The following ADAM12 variants were observed in gnomAD, a reference collection of about 807,000 sequenced individuals.
ADAM12 encodes the protein ADAM metallopeptidase domain 12.
Under a neutral mutation model 106.4 loss-of-function variants are expected in ADAM12, and 70 were observed. The ratio of observed to expected loss-of-function variants is 0.66; its 90% CI spans 0.54 to 0.80. The LOEUF is 0.80. Ranked by LOEUF, ADAM12 falls within the 30% of genes least tolerant of loss-of-function variation. The probability of loss-of-function intolerance (pLI) is 0.00; values close to 1 mark genes in which losing one functional copy is unlikely to be tolerated. For synonymous variants in ADAM12, 420 were observed against 433.5 expected (o/e 0.97, Z 0.39); for missense variants, 1,010 against 1,171.9 (o/e 0.86, Z 2.02).
intron 10 of ADAM12, among the ~76,000 whole-genome samples, chr10:126,095,009 T>C (rs995774385): frequency 1.3e-5 from 2 of 152,212 alleles, no homozygotes; most frequent in African/African-American, 4.8e-5. Context: ...TTAGCATATA[T>C]GATCTACAGA....
At chr10:126,169,085 C>G (rs1328797597) in intron 3 of ADAM12, among the ~76,000 whole-genome samples, 2 of 152,068 alleles carry the variant, frequency 1.3e-5, no homozygotes, top group African/African-American at 2.4e-5. Flanking sequence ...AAACACATTC[C>G]TTAGTGTGGA....
At chr10:126,121,208 CTATA>C (rs531510089) in intron 5 of ADAM12, among the ~76,000 whole-genome samples, 2 of 99,558 alleles carry the variant, frequency 2.0e-5, no homozygotes, top group Non-Finnish European at 3.6e-5. Context: ...ATACTATATA[CTATA>C]TATATTATAT....
intron 3 of ADAM12, among the ~76,000 whole-genome samples, chr10:126,269,362 C>T (rs186332368): frequency 6.6e-6 from 1 of 152,204 alleles, no homozygotes; most frequent in African/African-American, 2.4e-5. Context: ...AGCTCCTATT[C>T]AAGATGGAGT....
chr10:126,280,806 A>G (rs1959537963), intron 2 of ADAM12, among the ~76,000 whole-genome samples: 1 of 152,212 alleles, frequency 6.6e-6, no homozygotes, highest in Non-Finnish European at 1.5e-5. Context: ...GGGTTTACAC[A>G]GGCCTTGTTT....
intron 3 of ADAM12, among the ~76,000 whole-genome samples, chr10:126,162,321 A>T (rs1013963541): frequency 3.3e-5 from 5 of 152,150 alleles, no homozygotes; most frequent in African/African-American, 9.6e-5. Flanking sequence ...GGAGGAGAGC[A>T]TTCCAGCGAG....
At chr10:126,383,209 C>T (rs1035672629) in intron 1 of ADAM12, among the ~76,000 whole-genome samples, 3 of 152,120 alleles carry the variant, frequency 2.0e-5, no homozygotes, top group Admixed American at 6.6e-5. Flanking sequence ...AAGCAATCCT[C>T]CTGCCTCAGC....
At chr10:126,229,425 G>A (rs893247950) in intron 3 of ADAM12, among the ~76,000 whole-genome samples, 7 of 151,308 alleles carry the variant, frequency 4.6e-5, no homozygotes, top group Non-Finnish European at 8.8e-5. Context: ...TCATTTTAAT[G>A]GCTGCATAAT....
At position 126,015,102 on chromosome 10, in the gene ADAM12, C is replaced by G. The variant is rs550038785; in HGVS notation, c.*2177G>C. On this transcript the variant is annotated 3_prime_UTR_variant, in exon 23 of 23. Coordinates refer to ENST00000448723, the MANE Select transcript of ADAM12 (RefSeq NM_001288973.2). ...TAAAATGCATGGCTCTATAATAACA[C>G]ATTAGTACTGTAGAGATAAGAATGT... The G allele has an allele frequency of 1.8e-4, 27 of 152,248 alleles. No individual in the cohort carries two copies. The highest frequency in any genetic ancestry group is 6.3e-4 in the African/African-American group (26 of 41,534). The allele number at this position is 152,248 out of a possible 1,614,324, so 9.4% of individuals were successfully genotyped here. A position where few individuals can be genotyped will look rare whatever the true frequency, so the allele number is the denominator to read the frequency against.
chr10:126,135,671 G>A lies in ADAM12; in HGVS notation c.340-11C>T, dbSNP rs1182931027. On this transcript the variant is annotated splice_polypyrimidine_tract_variant and intron_variant, in intron 4 of 22. Transcript: ENST00000448723. ...GTAGTAACAGTGACCCTAAAGGGGA[G>A]GAGGAGAGAATCCCATTTCAGTTAT... 1 of 1,610,700 alleles carries A rather than the reference G, an allele frequency of 6.2e-7. No individual in the cohort carries two copies.
chr10:126,128,837 G>A (rs1022876757), intron 5 of ADAM12, among the ~76,000 whole-genome samples: 2 of 148,250 alleles, frequency 1.3e-5, no homozygotes, highest in Non-Finnish European at 3.0e-5. Flanking sequence ...AGTGTGTGGT[G>A]CGTGTGGGAA....
rs72839962 is a variant in ADAM12, at chr10:126,053,166, C to T, written c.1610-3497G>A. On this transcript the variant is annotated intron_variant, in intron 14 of 22. Coordinates refer to ENST00000448723, the MANE Select transcript of ADAM12 (RefSeq NM_001288973.2). The surrounding 1 kb of genome is among the most constrained non-coding windows in gnomAD (Gnocchi z 4.6). ...CGTGATGTGCCTGCTTCTCCTTCAC[C>T]TTCTGCCATGATTGGAAGCTTTCTG... Among the ~76,000 whole-genome samples the T allele has an allele frequency of 0.011, 1,650 of 152,292 alleles. 21 individuals are homozygous for T. Among genetic ancestry groups the T allele is most frequent in the Middle Eastern group, 0.02 (6 of 294 alleles).
chr10:126,174,008 A>ATTTTTTTTTTTTTTTTTTTTT (rs200354475), intron 3 of ADAM12, among the ~76,000 whole-genome samples: 1 of 90,468 alleles, frequency 1.1e-5, no homozygotes, highest in African/African-American at 5.4e-5. Context: ...TCTGTTGTTG[A>ATTTTTTTTTTTTTTTTTTTTT]TTTTTTTTTT....
At chr10:126,302,410 A>G (rs1015669293) in intron 2 of ADAM12, among the ~76,000 whole-genome samples, 1 of 152,202 alleles carries the variant, frequency 6.6e-6, no homozygotes, top group Non-Finnish European at 1.5e-5. Context: ...TTTTTTAGAA[A>G]GTAATTGGTC....
chr10:126,112,877 C>G (rs1010627026), intron 6 of ADAM12, among the ~76,000 whole-genome samples: 5 of 151,838 alleles, frequency 3.3e-5, no homozygotes, highest in Admixed American at 2.0e-4. Context: ...CTCCTGAAAC[C>G]CATATTCCTG....
intron 2 of ADAM12, among the ~76,000 whole-genome samples, chr10:126,297,819 G>A (rs987139860): frequency 6.6e-6 from 1 of 152,114 alleles, no homozygotes; most frequent in African/African-American, 2.4e-5. Flanking sequence ...CCCAAAATGG[G>A]GAGGTAACTG....
chr10:126,371,222 C>T (rs1465875934), intron 1 of ADAM12, among the ~76,000 whole-genome samples: 1 of 152,230 alleles, frequency 6.6e-6, no homozygotes, highest in Non-Finnish European at 1.5e-5. Flanking sequence ...AGTGCTAGCA[C>T]AGAAACCACA....
At chr10:126,041,874 T>C in intron 18 of ADAM12, 1 of 1,333,356 alleles carries the variant, frequency 7.5e-7, no homozygotes, top group East Asian at 3.0e-5. Context: ...CCTGCTACTC[T>C]CTCAGGAGCA....
intron 14 of ADAM12, among the ~76,000 whole-genome samples, chr10:126,061,532 T>C (rs1286436552): frequency 6.6e-6 from 1 of 152,140 alleles, no homozygotes; most frequent in African/African-American, 2.4e-5. Context: ...ACTTTTAGGA[T>C]CTTGAGGTGG....
chr10:126,202,089 A>G (rs1479833998), intron 3 of ADAM12, among the ~76,000 whole-genome samples: 1 of 152,204 alleles, frequency 6.6e-6, no homozygotes, highest in African/African-American at 2.4e-5. Context: ...CTCTTGTCTT[A>G]ATGCCTTGGC....
Sources: allele counts gnomAD v4.1 joint callset (sites outside exome capture counted in the v4.1 genomes callset), GRCh38; gene constraint gnomAD v4.1.1; non-coding constraint Gnocchi (gnomAD v3.1); transcripts MANE v1.5; gene names NCBI Gene and HGNC (gene_info 2026-07-23, HGNC 2026-07-21).